Variants in HMCN2 observed in about 807,000 individuals in gnomAD.
HMCN2 encodes the protein hemicentin-2.
Under a neutral mutation model 377.5 loss-of-function variants are expected in HMCN2, and 325 were observed. The ratio of observed to expected loss-of-function variants is 0.86; its 90% CI spans 0.79 to 0.94. The LOEUF (loss-of-function observed/expected upper bound fraction) is 0.94, where lower values mean the gene tolerates loss of function less well. Among genes scored for constraint, HMCN2 ranks in the 40% least tolerant of loss-of-function variants. HMCN2 has a pLI of 0.00. For synonymous variants in HMCN2, 2,007 were observed against 2,046.8 expected, an observed-to-expected ratio of 0.98 and a Z score of 0.53; for missense variants, 4,543 against 4,725.3, an observed-to-expected ratio of 0.96 and a Z score of 1.13.
At position 130,354,963 on chromosome 9, in the gene HMCN2, G is replaced by T; in HGVS notation, c.5065G>T (p.Glu1689Ter). The T allele has an allele frequency of 1.5e-6, 2 of 1,301,878 alleles. No individual in the cohort carries two copies. The highest frequency in any genetic ancestry group is 2.0e-6 in the Non-Finnish European group (2 of 988,902). 80.6% of individuals were successfully genotyped at this position (1,301,878 alleles called of 1,614,324 possible). Residue 1689 changes from glutamate (E) to a stop codon, truncating the protein, a stop_gained, in exon 32 of 98, where the codon GAG becomes TAG. Coordinates refer to ENST00000683500, the MANE Select transcript of HMCN2 (RefSeq NM_001291815.2). LOFTEE classifies it high-confidence loss of function. ...TGTGCTGAGGCTGGAGAGCCCGGGGGAGGCATCCAGTGGCCTGTACAGCTG... is the reference window on the plus strand; with the variant it reads ...TGTGCTGAGGCTGGAGAGCCCGGGGTAGGCATCCAGTGGCCTGTACAGCTG... ...GSVLRLESPG[E>*]ASSGLYSCVA...
chr9:130,341,399 C>G (rs1218789669), intron 24 of HMCN2, 34 bp downstream of exon 24: 1 of 152,334 alleles, frequency 6.6e-6, no homozygotes, highest in East Asian at 1.9e-4. Flanking sequence ...CTGCTTCTCC[C>G]CAGCTCTCCC....
intron 15 of HMCN2, among the ~76,000 whole-genome samples, chr9:130,310,617 G>A (rs1473746453): frequency 1.7e-5 from 2 of 116,974 alleles, no homozygotes; most frequent in South Asian, 5.7e-4. Context: ...ACCAGGAGGC[G>A]GGGGCTACCC....
chr9:130,352,524 G>A (rs922775263), intron 30 of HMCN2, among the ~76,000 whole-genome samples: 1 of 152,222 alleles, frequency 6.6e-6, no homozygotes, highest in Non-Finnish European at 1.5e-5. Context: ...CTGTGCCCAT[G>A]TGCCCCTAGC....
chr9:130,406,214 G>T, intron 82 of HMCN2, 46 bp downstream of exon 82: 1 of 1,282,442 alleles, frequency 7.8e-7, no homozygotes, highest in Non-Finnish European at 1.0e-6. Context: ...CAGGACACCG[G>T]GAGGTTAAGA....
intron 4 of HMCN2, among the ~76,000 whole-genome samples, chr9:130,289,357 G>A (rs988220166): frequency 3.3e-5 from 5 of 152,128 alleles, no homozygotes; most frequent in African/African-American, 4.8e-5. Flanking sequence ...GTGAGGGGGA[G>A]CTGCTGGGGG....
At chr9:130,373,630 TGG>T (rs1316272212) in intron 48 of HMCN2, among the ~76,000 whole-genome samples, 2 of 150,182 alleles carry the variant, frequency 1.3e-5, no homozygotes, top group Non-Finnish European at 3.0e-5. Flanking sequence ...GATGGATGGA[TGG>T]ATGGATGAAT....
intron 48 of HMCN2, among the ~76,000 whole-genome samples, chr9:130,374,124 T>A (rs1171237722): frequency 6.6e-6 from 1 of 150,590 alleles, no homozygotes; most frequent in Non-Finnish European, 1.5e-5. Context: ...GGTGGGTGTG[T>A]GGACGAATAG....
intron 46 of HMCN2, among the ~76,000 whole-genome samples, chr9:130,371,424 A>AAAC (rs796186085): frequency 8.2e-4 from 124 of 151,896 alleles, no homozygotes; most frequent in African/African-American, 2.6e-3. Flanking sequence ...GAAAAAAAAA[A>AAAC]AACAAACTTT....
Position 130,400,800 on chromosome 9 carries a change from G to C in HMCN2, c.11623G>C (p.Asp3875His). 1 of 1,287,290 alleles carries C rather than the reference G, an allele frequency of 7.8e-7. No individual in the cohort carries two copies. The highest frequency in any genetic ancestry group is 1.5e-5 in the African/African-American group (1 of 65,846). 79.7% of individuals were successfully genotyped at this position (1,287,290 alleles called of 1,614,324 possible). A position where few individuals can be genotyped will look rare whatever the true frequency, so the allele number is the denominator to read the frequency against. The change falls in exon 77 of 98, where the codon GAT becomes CAT. Residue 3875 changes from aspartate to histidine, a missense_variant. Physicochemically the swap from Asp to His is moderately conservative, Grantham distance 81. This residue lies in a region of HMCN2 where 1,073 missense variants were observed against 1,319.5 expected (regional missense o/e 0.81). Transcript: ENST00000683500. ...VTVHVPPTIA[D>H]DQTDFTVTMM... is the part of the protein sequence containing the mutation. ...GGTTTTAGTGCCTCCCACCATTGCC[G>C]ATGACCAGACAGACTTCACCGTGAC...
In HMCN2 at chr9:130,408,874, C is replaced by G. The variant is rs749069853; in HGVS notation, c.12820C>G (p.Arg4274Gly). 12 of 1,289,772 alleles carry G rather than the reference C, an allele frequency of 9.3e-6. No homozygotes were observed. The highest frequency in any genetic ancestry group is 1.2e-5 in the Non-Finnish European group (12 of 988,862). The allele number at this position is 1,289,772 out of a possible 1,614,324, so 79.9% of individuals were successfully genotyped here. A position where few individuals can be genotyped will look rare whatever the true frequency, so the allele number is the denominator to read the frequency against. The change falls in exon 84 of 98, where the codon CGG (arginine) becomes GGG (glycine). Residue 4274 changes from arginine to glycine, a missense_variant. By Grantham distance (125) the Arg-to-Gly change is moderately radical. Around this residue, in one of 5 missense-constraint regions of HMCN2, gnomAD observed 1,155 missense variants for 1,157.7 expected, o/e 1.00. Transcript: ENST00000683500. ...IHWIKDGLPL[R>G]GSHLRHQLQN... is the part of the protein sequence containing the mutation. ...CTGGATCAAAGATGGCCTTCCACTG[C>G]GGGGCAGCCACCTCCGGCACCAGCT...
At chr9:130,375,431 C>T (rs547783471) in intron 49 of HMCN2, 132 bp from the exon 50 acceptor site, 88 of 425,400 alleles carry the variant, frequency 2.1e-4, no homozygotes, top group African/African-American at 1.5e-3. Context: ...TTCTCTGAGC[C>T]TCAGTTTCCC....
In HMCN2 at chr9:130,418,735, A is replaced by C. The variant is rs185950777; in HGVS notation, c.12962-37A>C. On this transcript the variant is annotated intron_variant, in intron 85 of 97. Transcript: ENST00000683500. ...TATCCCACTTGAATATGCAAAAATAATTAAATGTTCCTAAAAGCCACCTGG... is the reference window on the plus strand; with the variant it reads ...TATCCCACTTGAATATGCAAAAATACTTAAATGTTCCTAAAAGCCACCTGG... 5,779 of 1,384,820 alleles carry C rather than the reference A, an allele frequency of 4.2e-3. 23 individuals are homozygous for C. Among genetic ancestry groups the C allele is most frequent in the Non-Finnish European group, 4.8e-3 (5,143 of 1,060,506 alleles). The allele number at this position is 1,384,820 out of a possible 1,614,324, so 85.8% of individuals were successfully genotyped here.
intron 23 of HMCN2, among the ~76,000 whole-genome samples, chr9:130,339,337 G>A (rs1429711286): frequency 1.3e-5 from 2 of 152,176 alleles, no homozygotes; most frequent in East Asian, 1.9e-4. Flanking sequence ...TCACAGCCCA[G>A]CATCCTGACC....
chr9:130,282,752 C>G (rs1554926197), intron 1 of HMCN2, among the ~76,000 whole-genome samples: 1 of 152,190 alleles, frequency 6.6e-6, no homozygotes, highest in Non-Finnish European at 1.5e-5. Flanking sequence ...ATTTAGAATT[C>G]CTGAACTAAA....
At position 130,414,635 on chromosome 9, in the gene HMCN2, A is replaced by T. The variant is rs113085285; in HGVS notation, c.12961+3983A>T. Among the ~76,000 whole-genome samples the T allele has an allele frequency of 5.6e-3, 849 of 151,128 alleles. 11 individuals are homozygous for T. The highest frequency in any genetic ancestry group is 0.014 in the African/African-American group (573 of 41,052). ...GGACTTTTTTTTTTTTTTTTAAGAC[A>T]AGGTCTGACTCTGTTGCCCAGGCTG... On this transcript the variant is annotated intron_variant, in intron 85 of 97. Coordinates refer to ENST00000683500, the MANE Select transcript of HMCN2 (RefSeq NM_001291815.2). This position sits in a 1 kb window ranked among gnomAD's most constrained non-coding sequence, Gnocchi z 4.4.
intron 25 of HMCN2, among the ~76,000 whole-genome samples, chr9:130,344,239 A>AG (rs1285855766): frequency 2.0e-5 from 3 of 151,886 alleles, no homozygotes; most frequent in Middle Eastern, 3.4e-3. Context: ...GGAAGATGAG[A>AG]GGGGGGTGTG....
At chr9:130,398,891 C>CTG (rs749632899) in intron 75 of HMCN2, among the ~76,000 whole-genome samples, 184 bp downstream of exon 75, 3 of 152,260 alleles carry the variant, frequency 2.0e-5, no homozygotes, top group Admixed American at 6.5e-5. Context: ...GGTGAGGGCA[C>CTG]TGGGGATATA....
intron 24 of HMCN2, among the ~76,000 whole-genome samples, chr9:130,341,927 G>A (rs1192613818): frequency 6.6e-6 from 1 of 151,908 alleles, no homozygotes; most frequent in Non-Finnish European, 1.5e-5. Flanking sequence ...TGTAATCCCA[G>A]CAATTTGGGA....
chr9:130,292,415 C>T (rs1835832031), intron 4 of HMCN2, among the ~76,000 whole-genome samples: 1 of 152,136 alleles, frequency 6.6e-6, no homozygotes, highest in Non-Finnish European at 1.5e-5. Flanking sequence ...ATCATTCCTC[C>T]CACATTTATG....
Sources: gnomAD v4.1 joint callset for allele counts (sites outside exome capture counted in the v4.1 genomes callset) on GRCh38, gnomAD v4.1.1 for gene constraint, gnomAD v4.1.1 regional missense constraint, Gnocchi (gnomAD v3.1) non-coding constraint, MANE v1.5 for transcripts, NCBI Gene and HGNC (gene_info 2026-07-23, HGNC 2026-07-21) for gene names.